The following SLC22A23 variants were observed in gnomAD, a reference collection of about 807,000 sequenced individuals.
The protein encoded by SLC22A23 is solute carrier family 22 member 23.
Under a neutral mutation model 61.0 loss-of-function variants are expected in SLC22A23, and 26 were observed. The ratio of observed to expected loss-of-function variants is 0.43; its 90% confidence interval spans 0.31 to 0.59. The LOEUF is 0.59. Ranked by LOEUF, SLC22A23 falls within the 20% of genes least tolerant of loss-of-function variation. The probability of loss-of-function intolerance (pLI) is 0.11; values close to 1 mark genes in which losing one functional copy is unlikely to be tolerated. For missense variants in SLC22A23, 796 were observed against 934.7 expected (o/e 0.85, Z 1.94); for synonymous variants, 430 against 413.9 (o/e 1.04, Z -0.47).
intron 4 of SLC22A23, among the ~76,000 whole-genome samples, chr6:3,307,113 G>A (rs1055747524): frequency 2.6e-5 from 4 of 152,214 alleles, no homozygotes; most frequent in Non-Finnish European, 4.4e-5. Flanking sequence ...CTGAGCAGAC[G>A]GCATACGGCA....
At chr6:3,453,891 A>T (rs1361027527) in intron 1 of SLC22A23, among the ~76,000 whole-genome samples, 1 of 152,188 alleles carries the variant, frequency 6.6e-6, no homozygotes, top group Non-Finnish European at 1.5e-5. Flanking sequence ...CATAGTGTAC[A>T]TCCCACATTA....
intron 3 of SLC22A23, among the ~76,000 whole-genome samples, chr6:3,383,040 T>A (rs1207992440): frequency 6.6e-6 from 1 of 151,964 alleles, no homozygotes; most frequent in Non-Finnish European, 1.5e-5. Flanking sequence ...TGTGTTAGGG[T>A]GAAGATGGGG....
chr6:3,283,302 C>T (rs1422561702), intron 9 of SLC22A23, among the ~76,000 whole-genome samples: 1 of 152,088 alleles, frequency 6.6e-6, no homozygotes, highest in Non-Finnish European at 1.5e-5. Context: ...CGTGGTGGCG[C>T]ACACCTATAA....
intron 3 of SLC22A23, among the ~76,000 whole-genome samples, chr6:3,366,052 T>A (rs1374282351): frequency 6.6e-6 from 1 of 152,022 alleles, no homozygotes; most frequent in African/African-American, 2.4e-5. Context: ...AGGGTATGGC[T>A]GGGCGCGGTG....
Position 3,342,944 on chromosome 6 carries a change from C to A in SLC22A23, c.914-18942G>T, listed in dbSNP as rs1764231808. ...GGGAAGGGGTTAGGATTTCAAGAGACAAGAAATAGTGGGAAATGACAGAGA... is the reference window on the plus strand; with the variant it reads ...GGGAAGGGGTTAGGATTTCAAGAGAAAAGAAATAGTGGGAAATGACAGAGA... On this transcript the variant is annotated intron_variant, in intron 3 of 9. Transcript: ENST00000406686. This position sits in a 1 kb window ranked among gnomAD's most constrained non-coding sequence, Gnocchi z 4.0. Among the ~76,000 whole-genome samples the A allele has an allele frequency of 6.6e-6, 1 of 152,050 alleles. No homozygotes were observed. The highest frequency in any genetic ancestry group is 2.1e-4 in the South Asian group (1 of 4,826).
Position 3,289,777 on chromosome 6 carries a change from G to A in SLC22A23, c.1300C>T (p.Leu434=). Residue 434 remains leucine, a synonymous_variant, in exon 6 of 10, where the codon CTG becomes TTG. Transcript: ENST00000406686. The stretch of plus-strand genomic sequence containing the variant: ...TCTGTGACTCACGAGTTCACACACA[G>A]GACCACAATGTTCTTCCACAGGTTC... ...TRNLWKNIVV[L]CVNSLTGYGI... is the part of the protein sequence containing the mutation. 6.2e-7 allele frequency: 1 copy of A among 1,613,948 alleles called. No homozygotes were observed. The highest frequency in any genetic ancestry group is 8.5e-7 in the Non-Finnish European group (1 of 1,179,972).
chr6:3,413,708 C>A (rs530516936), intron 2 of SLC22A23, among the ~76,000 whole-genome samples: 1 of 152,236 alleles, frequency 6.6e-6, no homozygotes, highest in South Asian at 2.1e-4. Context: ...TGATCCACTT[C>A]CCCTGCAGCC....
At chr6:3,287,319 C>A (rs925537483) in intron 6 of SLC22A23, among the ~76,000 whole-genome samples, 1 of 152,234 alleles carries the variant, frequency 6.6e-6, no homozygotes, top group Non-Finnish European at 1.5e-5. Flanking sequence ...GGCTCATGCC[C>A]CACTACCATG....
At chr6:3,365,762 A>T (rs1171339436) in intron 3 of SLC22A23, among the ~76,000 whole-genome samples, 4 of 152,166 alleles carry the variant, frequency 2.6e-5, no homozygotes, top group Non-Finnish European at 5.9e-5. Context: ...ATTTTAAAAC[A>T]TTTAAAAAAC....
chr6:3,291,071 T>C (rs1237498740), intron 5 of SLC22A23: 3 of 152,350 alleles, frequency 2.0e-5, no homozygotes, highest in East Asian at 3.9e-4. Flanking sequence ...GTTTGGTGAA[T>C]GGTAGTGTTC....
At chr6:3,442,455 T>G (rs1172723243) in intron 1 of SLC22A23, among the ~76,000 whole-genome samples, 1 of 152,206 alleles carries the variant, frequency 6.6e-6, no homozygotes, top group African/African-American at 2.4e-5. Context: ...AAAGACAAGT[T>G]TTAAAAAGAG....
chr6:3,348,060 C>A (rs1038689055), intron 3 of SLC22A23, among the ~76,000 whole-genome samples: 1 of 152,232 alleles, frequency 6.6e-6, no homozygotes, highest in Non-Finnish European at 1.5e-5. Context: ...CTTCATGGCA[C>A]CTGTCCCAGC....
chr6:3,391,042 C>T (rs1767628965), intron 3 of SLC22A23, among the ~76,000 whole-genome samples: 1 of 152,168 alleles, frequency 6.6e-6, no homozygotes, highest in Middle Eastern at 3.2e-3. Flanking sequence ...CAAGAAGATA[C>T]AAGATCAGCC....
Position 3,366,962 on chromosome 6 carries a change from G to C in SLC22A23, c.914-42960C>G, listed in dbSNP as rs192163162. 4.8e-4 allele frequency among the ~76,000 whole-genome samples: 73 copies of C among 152,304 alleles called. 1 individual carries two copies. Among genetic ancestry groups the C allele is most frequent in the African/African-American group, 1.6e-3 (66 of 41,564 alleles). ...CATTTTCCTCCAGAAGGAAGGACAG[G>C]GGGGATTAACACCAGGTCTTAGGCA... On this transcript the variant is annotated intron_variant, in intron 3 of 9. Transcript: ENST00000406686.
In SLC22A23 at chr6:3,330,325, C is replaced by T. The variant is rs1763516006; in HGVS notation, c.914-6323G>A. Among the ~76,000 whole-genome samples the T allele has an allele frequency of 6.6e-6, 1 of 152,224 alleles. No individual in the cohort carries two copies. Among genetic ancestry groups the T allele is most frequent in the African/African-American group, 2.4e-5 (1 of 41,452 alleles). On this transcript the variant is annotated intron_variant, in intron 3 of 9. Transcript: ENST00000406686. The surrounding 1 kb of genome is among the most constrained non-coding windows in gnomAD (Gnocchi z 4.7). ...CCACCAACCTGGTTCAGGCTTGGCC[C>T]TAAGCTGCTGACACCCACCTGGAGA... is the stretch of plus-strand genomic sequence containing the variant.
At chr6:3,396,454 C>A (rs1768008147) in intron 3 of SLC22A23, among the ~76,000 whole-genome samples, 2 of 152,174 alleles carry the variant, frequency 1.3e-5, no homozygotes, top group Admixed American at 1.3e-4. Flanking sequence ...GAGGCTGAGG[C>A]AGGAGAATCA....
chr6:3,403,659 G>C (rs114402374), intron 3 of SLC22A23, among the ~76,000 whole-genome samples: 1 of 152,122 alleles, frequency 6.6e-6, no homozygotes, highest in Non-Finnish European at 1.5e-5. Context: ...ATCTAGGGGG[G>C]TAAGAGGAAG....
In SLC22A23 at chr6:3,333,712, C is replaced by G. The variant is rs1763702362; in HGVS notation, c.914-9710G>C. Among the ~76,000 whole-genome samples the G allele has an allele frequency of 6.6e-6, 1 of 152,186 alleles. No individual in the cohort carries two copies. Among genetic ancestry groups the G allele is most frequent in the South Asian group, 2.1e-4 (1 of 4,832 alleles). On this transcript the variant is annotated intron_variant, in intron 3 of 9. Transcript: ENST00000406686. This position sits in a 1 kb window ranked among gnomAD's most constrained non-coding sequence, Gnocchi z 4.1. ...GCGACCACACAGAGGAGAGTGCCTC[C>G]CCGACAGTGGTTTGCAAGTGTGGCC...
intron 3 of SLC22A23, among the ~76,000 whole-genome samples, chr6:3,357,741 G>A (rs775376126): frequency 1.1e-4 from 16 of 152,278 alleles, no homozygotes; most frequent in Non-Finnish European, 1.0e-4. Context: ...ATTCAGCAAG[G>A]AGGATGAGGT....
Sources: allele counts gnomAD v4.1 joint callset (sites outside exome capture counted in the v4.1 genomes callset), GRCh38; gene constraint gnomAD v4.1.1; non-coding constraint Gnocchi (gnomAD v3.1); transcripts MANE v1.5; gene names NCBI Gene and HGNC (gene_info 2026-07-23, HGNC 2026-07-21).